CACNA1B: variants seen among roughly 807,000 people sequenced by gnomAD.
CACNA1B encodes the protein calcium voltage-gated channel subunit alpha1 B, also known as voltage-dependent N-type calcium channel subunit alpha-1B.
CACNA1B carries 70 observed loss-of-function variants against 247.2 expected under a neutral mutation model. The ratio of observed to expected loss-of-function variants is 0.28; its 90% confidence interval spans 0.23 to 0.35. The LOEUF (loss-of-function observed/expected upper bound fraction) is 0.35, where lower values mean the gene tolerates loss of function less well. Among genes scored for constraint, CACNA1B ranks in the 10% least tolerant of loss-of-function variants. The probability of loss-of-function intolerance (pLI) is 1.00; values close to 1 mark genes in which losing one functional copy is unlikely to be tolerated. For missense variants in CACNA1B, 2,367 were observed against 3,197.4 expected (o/e 0.74, Z 6.26); for synonymous variants, 1,231 against 1,294.4 (o/e 0.95, Z 1.05).
In CACNA1B at chr9:138,054,548, C is replaced by T. The variant is rs1397924475; in HGVS notation, c.3968+542C>T. Among the ~76,000 whole-genome samples, 10 of 152,258 alleles carry T rather than the reference C, an allele frequency of 6.6e-5. No individual in the cohort carries two copies. Among genetic ancestry groups the T allele is most frequent in the Admixed American group, 4.6e-4 (7 of 15,292 alleles). ...CAGTGTCTTCCTGCCCACGCGGCAGCGTCCCAGCTGCTTCTGTGTGAATAT... is the reference window on the plus strand; with the variant it reads ...CAGTGTCTTCCTGCCCACGCGGCAGTGTCCCAGCTGCTTCTGTGTGAATAT... On this transcript the variant is annotated intron_variant, in intron 26 of 46. Transcript: ENST00000371372. The surrounding 1 kb of genome is among the most constrained non-coding windows in gnomAD (Gnocchi z 4.6).
chr9:137,882,913 G>T lies in CACNA1B; in HGVS notation c.530+30G>T. ...GCAAGCTGAGGCCAGGAGGCCCAGC[G>T]TGTGAGGCCCGGGCGTGTGCTCTCT... On this transcript the variant is annotated intron_variant, in intron 3 of 46. Transcript: ENST00000371372. The surrounding 1 kb of genome is among the most constrained non-coding windows in gnomAD (Gnocchi z 4.0). 1 of 1,594,298 alleles carries T rather than the reference G, an allele frequency of 6.3e-7. No individual in the cohort carries two copies. The highest frequency in any genetic ancestry group is 8.6e-7 in the Non-Finnish European group (1 of 1,163,984).
At chr9:137,931,600 C>T (rs746010254) in intron 6 of CACNA1B, among the ~76,000 whole-genome samples, 5 of 151,992 alleles carry the variant, frequency 3.3e-5, no homozygotes, top group South Asian at 2.1e-4. Context: ...TATAGGAGGC[C>T]GAGGGACTGA....
chr9:137,879,991 G>A (rs1449930473), intron 2 of CACNA1B, among the ~76,000 whole-genome samples: 3 of 152,222 alleles, frequency 2.0e-5, no homozygotes, highest in Admixed American at 2.0e-4. Flanking sequence ...GCAAGTGGGG[G>A]CCCAGGGGGT....
At chr9:137,902,610 A>G (rs1254572592) in intron 3 of CACNA1B, among the ~76,000 whole-genome samples, 1 of 152,206 alleles carries the variant, frequency 6.6e-6, no homozygotes, top group Non-Finnish European at 1.5e-5. Context: ...TCTGTTTACA[A>G]AAAGTAACTG....
rs573091521 is a variant in CACNA1B at position 137,915,005 on chromosome 9, A to G, written c.775+199A>G. On this transcript the variant is annotated intron_variant, in intron 5 of 46. Coordinates refer to ENST00000371372, the MANE Select transcript of CACNA1B (RefSeq NM_000718.4). ...CAGAAATATAATAATTATCGATTGT[A>G]GTAACTTTTGGGAAGAAAACAAAAA... 2.0e-5 allele frequency among the ~76,000 whole-genome samples: 3 copies of G among 152,388 alleles called. No individual in the cohort carries two copies. The South Asian group carries it at 6.2e-4, about 32-fold the overall frequency.
chr9:137,959,364 C>T (rs1360054958), intron 10 of CACNA1B, among the ~76,000 whole-genome samples: 1 of 152,226 alleles, frequency 6.6e-6, no homozygotes, highest in Non-Finnish European at 1.5e-5. Flanking sequence ...TGAGCCACCA[C>T]ACCTGGTCCA....
At chr9:138,078,777 G>C (rs915669070) in intron 36 of CACNA1B, among the ~76,000 whole-genome samples, 6 of 152,214 alleles carry the variant, frequency 3.9e-5, no homozygotes, top group African/African-American at 1.2e-4. Context: ...GGCAACAGTG[G>C]CCTGGAGAAA....
At chr9:138,095,180 C>T (rs142604190) in intron 36 of CACNA1B, among the ~76,000 whole-genome samples, 7 of 152,248 alleles carry the variant, frequency 4.6e-5, no homozygotes, top group African/African-American at 1.7e-4. Flanking sequence ...ATACAATGTA[C>T]AGAACAAAAT....
chr9:138,057,376 C>T lies in CACNA1B; in HGVS notation c.3969-356C>T, dbSNP rs1040124147. On this transcript the variant is annotated intron_variant, in intron 26 of 46. Transcript: ENST00000371372. This position sits in a 1 kb window ranked among gnomAD's most constrained non-coding sequence, Gnocchi z 4.0. ...GGCGTCCTCTGAGCACAGAAGTGTCCGATTTGATGCGGCCTGATTTATCTG... is the reference window on the plus strand; with the variant it reads ...GGCGTCCTCTGAGCACAGAAGTGTCTGATTTGATGCGGCCTGATTTATCTG... Among the ~76,000 whole-genome samples the T allele has an allele frequency of 1.3e-5, 2 of 152,056 alleles. No individual in the cohort carries two copies. The highest frequency in any genetic ancestry group is 2.4e-5 in the African/African-American group (1 of 41,408).
chr9:138,098,129 AT>A (rs1239805451), intron 37 of CACNA1B, among the ~76,000 whole-genome samples: 2 of 151,954 alleles, frequency 1.3e-5, no homozygotes, highest in African/African-American at 2.4e-5. Flanking sequence ...AGACGTAGAG[AT>A]TGTCTGTGTT....
chr9:138,063,918 G>A lies in CACNA1B; in HGVS notation c.4668+4181G>A, dbSNP rs560358488. Among the ~76,000 whole-genome samples, 14 of 152,270 alleles carry A rather than the reference G, an allele frequency of 9.2e-5. No homozygotes were observed. The South Asian group carries it at 1.7e-3, about 18-fold the overall frequency. On this transcript the variant is annotated intron_variant, in intron 31 of 46. Transcript: ENST00000371372. ...TGTACCGTTTTGGCTGGGGGGTGTC[G>A]GTGTTGAGGACTTTCCTATTGTTAT...
intron 3 of CACNA1B, among the ~76,000 whole-genome samples, chr9:137,897,038 G>A (rs1016588438): frequency 6.6e-5 from 10 of 151,906 alleles, no homozygotes; most frequent in Admixed American, 2.0e-4. Flanking sequence ...TTTTCTTTCC[G>A]GTCAGTCTTG....
At chr9:138,106,632 G>A (rs1380578126) in intron 39 of CACNA1B, among the ~76,000 whole-genome samples, 5 of 152,176 alleles carry the variant, frequency 3.3e-5, no homozygotes, top group African/African-American at 1.2e-4. Flanking sequence ...GGTGGGCGTG[G>A]TGGTGGCACG....
rs771254428 is a variant in CACNA1B at position 138,121,930 on chromosome 9, C to T, written c.6951C>T (p.Thr2317=). ...LRRVPNGYHC[T]LGLSSGGRAR... ...GCGTGCCCAACGGTTACCACTGCAC[C>T]CTGGGACTCAGCTCGGGTGGCCGAG... Residue 2317 remains threonine (T), a synonymous_variant, in exon 47 of 47, where the codon ACC becomes ACT. Coordinates refer to ENST00000371372, the MANE Select transcript of CACNA1B (RefSeq NM_000718.4). This position sits in a 1 kb window ranked among gnomAD's most constrained non-coding sequence, Gnocchi z 6.8. 2 of 1,609,580 alleles carry T rather than the reference C, an allele frequency of 1.2e-6. No individual in the cohort carries two copies. Among genetic ancestry groups the T allele is most frequent in the South Asian group, 1.1e-5 (1 of 91,090 alleles).
chr9:138,119,356 C>T (rs868172113), intron 44 of CACNA1B, among the ~76,000 whole-genome samples: 2 of 152,120 alleles, frequency 1.3e-5, no homozygotes, highest in African/African-American at 4.8e-5. Flanking sequence ...GAGGATCGCC[C>T]CTCCGAGGCC....
chr9:137,971,004 A>G lies in CACNA1B; in HGVS notation c.1334-379A>G, dbSNP rs1302153179. ...CTGCAGGGCTCTGTGGGCTATGCTGAAGAGATGGGATCTGGGGAGGGACTA... is the reference window on the plus strand; with the variant it reads ...CTGCAGGGCTCTGTGGGCTATGCTGGAGAGATGGGATCTGGGGAGGGACTA... On this transcript the variant is annotated intron_variant, in intron 10 of 46. Coordinates refer to ENST00000371372, the MANE Select transcript of CACNA1B (RefSeq NM_000718.4). This position sits in a 1 kb window ranked among gnomAD's most constrained non-coding sequence, Gnocchi z 4.4. 6.6e-6 allele frequency among the ~76,000 whole-genome samples: 1 copy of G among 152,152 alleles called. No homozygotes were observed. Among genetic ancestry groups the G allele is most frequent in the Non-Finnish European group, 1.5e-5 (1 of 68,012 alleles).
At chr9:138,097,806 G>A (rs924378043) in intron 37 of CACNA1B, among the ~76,000 whole-genome samples, 4 of 152,212 alleles carry the variant, frequency 2.6e-5, no homozygotes, top group African/African-American at 7.2e-5. Flanking sequence ...CAGAGCTCCT[G>A]GGTTCTGCCT....
At position 137,891,111 on chromosome 9, in the gene CACNA1B, G is replaced by T. The variant is rs187543822; in HGVS notation, c.530+8228G>T. On this transcript the variant is annotated intron_variant, in intron 3 of 46. Transcript: ENST00000371372. The surrounding 1 kb of genome is among the most constrained non-coding windows in gnomAD (Gnocchi z 4.3). ...GCCAGGCAGGTTGGGCTCTCAGGGC[G>T]CATGGCTACTTTAAATTTTGGGTCT... The T allele has an allele frequency of 2.6e-5, 4 of 152,410 alleles. No homozygotes were observed. The highest frequency in any genetic ancestry group is 4.1e-4 in the South Asian group (2 of 4,832). 9.4% of individuals were successfully genotyped at this position (152,410 alleles called of 1,614,324 possible). A position where few individuals can be genotyped will look rare whatever the true frequency, so the allele number is the denominator to read the frequency against.
intron 6 of CACNA1B, among the ~76,000 whole-genome samples, chr9:137,918,213 G>A (rs577910485): frequency 5.3e-5 from 8 of 152,162 alleles, no homozygotes; most frequent in South Asian, 2.1e-4. Flanking sequence ...TAAGGCTTGG[G>A]GGGGGTGCCT....
Sources: gnomAD v4.1 joint callset for allele counts (sites outside exome capture counted in the v4.1 genomes callset) on GRCh38, gnomAD v4.1.1 for gene constraint, Gnocchi (gnomAD v3.1) non-coding constraint, MANE v1.5 for transcripts, NCBI Gene and HGNC (gene_info 2026-07-23, HGNC 2026-07-21) for gene names.